The following MPP7 variants were observed in gnomAD, a reference collection of about 807,000 sequenced individuals.
MPP7 encodes the protein MAGUK p55 subfamily member 7.
A neutral mutation model predicts 76.5 loss-of-function variants in MPP7; 60 were observed. The ratio of observed to expected loss-of-function variants is 0.78; its 90% CI spans 0.64 to 0.97. MPP7 has a LOEUF of 0.97. Among genes scored for constraint, MPP7 ranks in the 50% least tolerant of loss-of-function variants. MPP7 has a pLI of 0.00. For synonymous variants in MPP7, 237 were observed against 244.5 expected (o/e 0.97, Z 0.29); for missense variants, 641 against 694.0 (o/e 0.92, Z 0.86).
At chr10:28,104,364 C>A (rs1242298724) in intron 11 of MPP7, among the ~76,000 whole-genome samples, 1 of 152,166 alleles carries the variant, frequency 6.6e-6, no homozygotes, top group Non-Finnish European at 1.5e-5. Flanking sequence ...AAAAGTCCCA[C>A]AATTACGATA....
At chr10:28,325,975 CAAAAAA>C (rs71281552) in intron 2 of MPP7, among the ~76,000 whole-genome samples, 1 of 96,378 alleles carries the variant, frequency 1.0e-5, no homozygotes, top group Non-Finnish European at 2.1e-5. Context: ...GACCTCATCT[CAAAAAA>C]AAAAAAAAAA....
chr10:28,243,973 T>C (rs886775365), intron 1 of MPP7, among the ~76,000 whole-genome samples: 1 of 152,180 alleles, frequency 6.6e-6, no homozygotes, highest in Non-Finnish European at 1.5e-5. Flanking sequence ...TTTTTAAGAG[T>C]ATAGATCTGA....
chr10:28,289,821 T>C (rs1310986628), intron 1 of MPP7, among the ~76,000 whole-genome samples: 1 of 152,184 alleles, frequency 6.6e-6, no homozygotes, highest in African/African-American at 2.4e-5. Context: ...ACATTGATTT[T>C]ATTTTTTTCC....
chr10:28,155,094 TG>T (rs1201632223), intron 3 of MPP7, among the ~76,000 whole-genome samples: 1 of 152,194 alleles, frequency 6.6e-6, no homozygotes, highest in Non-Finnish European at 1.5e-5. Context: ...AAACTAGTTT[TG>T]TAACAAAAGA....
chr10:28,302,588 G>A (rs1166646916), intron 1 of MPP7, among the ~76,000 whole-genome samples: 1 of 151,820 alleles, frequency 6.6e-6, no homozygotes, highest in African/African-American at 2.4e-5. Context: ...CGCCGCCCCC[G>A]CCCGGAGTCC....
chr10:28,077,772 A>G (rs1218893285), intron 12 of MPP7, among the ~76,000 whole-genome samples: 2 of 152,322 alleles, frequency 1.3e-5, no homozygotes, highest in East Asian at 3.9e-4. Flanking sequence ...ATTACTCTGT[A>G]GTTCGTTTTC....
chr10:28,289,860 C>G (rs1045788583), intron 1 of MPP7, among the ~76,000 whole-genome samples: 7 of 152,158 alleles, frequency 4.6e-5, no homozygotes, highest in Non-Finnish European at 7.3e-5. Flanking sequence ...ATGCTGTCAC[C>G]CAGGCTGGAG....
At chr10:28,324,381 T>G (rs963953427) in intron 2 of MPP7, among the ~76,000 whole-genome samples, 4 of 152,172 alleles carry the variant, frequency 2.6e-5, no homozygotes, top group Admixed American at 2.0e-4. Context: ...GGCTATGATG[T>G]TTTGTTATAG....
intron 1 of MPP7, among the ~76,000 whole-genome samples, chr10:28,293,087 C>A (rs917968587): frequency 6.8e-6 from 1 of 147,736 alleles, no homozygotes; most frequent in Non-Finnish European, 1.5e-5. Flanking sequence ...ATTAAAGATT[C>A]CGTTTAATGA....
chr10:28,059,693 A>C lies in MPP7; in HGVS notation c.1255T>G (p.Phe419Val), dbSNP rs1336246157. Residue 419 changes from phenylalanine to valine, a missense_variant, in exon 14 of 17, where the codon TTC (phenylalanine) becomes GTC (valine). Physicochemically the swap from Phe to Val is conservative, Grantham distance 50. Coordinates refer to ENST00000683449, the MANE Select transcript of MPP7 (RefSeq NM_001318170.2). ...SQESDGVEYI[F>V]ISKHLFETDV... is the part of the protein sequence containing the mutation. ...GTCTCAAACAAATGCTTGGAAATGAAAATGTATTCAACACCATCACTCTCC... is the reference window on the plus strand; with the variant it reads ...GTCTCAAACAAATGCTTGGAAATGACAATGTATTCAACACCATCACTCTCC... The C allele has an allele frequency of 2.5e-6, 4 of 1,613,580 alleles. No individual in the cohort carries two copies. Among genetic ancestry groups the C allele is most frequent in the East Asian group, 4.5e-5 (2 of 44,788 alleles).
intron 13 of MPP7, among the ~76,000 whole-genome samples, chr10:28,067,175 T>A (rs575641472): frequency 6.6e-6 from 1 of 152,090 alleles, no homozygotes; most frequent in African/African-American, 2.4e-5. Flanking sequence ...TGTGCAGGAG[T>A]TCCTTTGCTC....
intron 2 of MPP7, among the ~76,000 whole-genome samples, chr10:28,231,220 T>C (rs1413547827): frequency 6.6e-6 from 1 of 151,760 alleles, no homozygotes; most frequent in Admixed American, 6.6e-5. Context: ...TTTTTAATTC[T>C]AAATAATCAA....
chr10:28,052,323 T>C lies in MPP7; in HGVS notation c.*1742A>G, dbSNP rs142158579. On this transcript the variant is annotated 3_prime_UTR_variant, in exon 17 of 17. Transcript: ENST00000683449. ...ACTTCAGGTTGGCAACCCTCCCTCTTTCATTTTTTAAAAACAAAATTTTTT... is the reference window on the plus strand; with the variant it reads ...ACTTCAGGTTGGCAACCCTCCCTCTCTCATTTTTTAAAAACAAAATTTTTT... 9 of 152,304 alleles carry C rather than the reference T, an allele frequency of 5.9e-5. No homozygotes were observed. Among genetic ancestry groups the C allele is most frequent in the Non-Finnish European group, 1.2e-4 (8 of 68,026 alleles). The allele number at this position is 152,304 out of a possible 1,614,324, so 9.4% of individuals were successfully genotyped here.
At chr10:28,056,343 G>T in intron 16 of MPP7, 137 bp downstream of exon 16, 1 of 833,594 alleles carries the variant, frequency 1.2e-6, no homozygotes. Context: ...ATTTTTTGTA[G>T]AGATGGGGTT....
chr10:28,052,342 A>T lies in MPP7; in HGVS notation c.*1723T>A, dbSNP rs1564605160. On this transcript the variant is annotated 3_prime_UTR_variant, in exon 17 of 17. Coordinates refer to ENST00000683449, the MANE Select transcript of MPP7 (RefSeq NM_001318170.2). The stretch of plus-strand genomic sequence containing the variant: ...CCCTCTTTCATTTTTTAAAAACAAA[A>T]TTTTTTGCTATTTAATTAATACACT... 1 of 152,186 alleles carries T rather than the reference A, an allele frequency of 6.6e-6. No individual in the cohort carries two copies. Among genetic ancestry groups the T allele is most frequent in the African/African-American group, 2.4e-5 (1 of 41,550 alleles). The allele number at this position is 152,186 out of a possible 1,614,324, so 9.4% of individuals were successfully genotyped here.
chr10:28,155,126 C>T (rs16928549), intron 3 of MPP7, among the ~76,000 whole-genome samples: 4,075 of 152,186 alleles, frequency 0.027, 155 homozygotes, highest in African/African-American at 0.09. Context: ...CGTCTTAAAA[C>T]GTGGCGAGTC....
At chr10:28,136,349 G>T (rs1280511859) in intron 5 of MPP7, among the ~76,000 whole-genome samples, 1 of 152,014 alleles carries the variant, frequency 6.6e-6, no homozygotes, top group Non-Finnish European at 1.5e-5. Flanking sequence ...GGTTGGAGAA[G>T]GTTGATCCAA....
intron 11 of MPP7, among the ~76,000 whole-genome samples, chr10:28,107,861 A>T (rs1032950138): frequency 1.3e-5 from 2 of 152,196 alleles, no homozygotes; most frequent in Non-Finnish European, 2.9e-5. Context: ...AAGCCATTAC[A>T]GTTTCTGGTG....
rs186025957 is a variant in MPP7 at position 28,266,062 on chromosome 10, C to A, written c.-131-27327G>T. Among the ~76,000 whole-genome samples the A allele has an allele frequency of 2.0e-3, 297 of 152,202 alleles. 1 individual carries two copies. Among genetic ancestry groups the A allele is most frequent in the African/African-American group, 6.9e-3 (285 of 41,542 alleles). On this transcript the variant is annotated intron_variant, in intron 1 of 16. Coordinates refer to ENST00000683449, the MANE Select transcript of MPP7 (RefSeq NM_001318170.2). Reference sequence around the variant, plus strand: ...GCAACCTCCGCCTCCCGAGTTCAAGCGATTCTCCTGCCTCAGCCTCCCTAG... The same window carrying A: ...GCAACCTCCGCCTCCCGAGTTCAAGAGATTCTCCTGCCTCAGCCTCCCTAG...
Sources: allele counts gnomAD v4.1 joint callset (sites outside exome capture counted in the v4.1 genomes callset), GRCh38; gene constraint gnomAD v4.1.1; transcripts MANE v1.5; gene names NCBI Gene and HGNC (gene_info 2026-07-23, HGNC 2026-07-21).